The following ASAP1 variants were observed in gnomAD, a reference collection of about 807,000 sequenced individuals.
ASAP1 encodes arf-GAP with SH3 domain, ANK repeat and PH domain-containing protein 1.
In ASAP1, 43 loss-of-function variants were observed where a neutral mutation model predicts 145.2. The ratio of observed to expected loss-of-function variants is 0.30; its 90% CI spans 0.23 to 0.38. ASAP1 has a LOEUF of 0.38. Ranked by LOEUF, ASAP1 falls within the 10% of genes least tolerant of loss-of-function variation. The probability of loss-of-function intolerance (pLI) is 1.00; values close to 1 mark genes in which losing one functional copy is unlikely to be tolerated. For synonymous variants in ASAP1, 546 were observed against 515.5 expected, an observed-to-expected ratio of 1.06 and a Z score of -0.80; for missense variants, 1,018 against 1,355.3, an observed-to-expected ratio of 0.75 and a Z score of 3.91.
intron 4 of ASAP1, among the ~76,000 whole-genome samples, chr8:130,226,731 C>A (rs2136556264): frequency 6.6e-6 from 1 of 152,326 alleles, no homozygotes; most frequent in Admixed American, 6.5e-5. Context: ...TTCCACAGGG[C>A]TATTACTCAG....
In ASAP1 at chr8:130,103,270, A is replaced by T. The variant is rs572793551; in HGVS notation, c.2401+8824T>A. On this transcript the variant is annotated intron_variant, in intron 24 of 29. Transcript: ENST00000518721. ...GGTATCAGCCTCCTTTTTCATTTCT[A>T]ATCTTATTTATTTGGGTCTTCTCCC... Among the ~76,000 whole-genome samples, 176 of 151,474 alleles carry T rather than the reference A, an allele frequency of 1.2e-3. 1 individual carries two copies. Among genetic ancestry groups the T allele is most frequent in the Admixed American group, 2.2e-3 (33 of 15,228 alleles).
intron 2 of ASAP1, among the ~76,000 whole-genome samples, chr8:130,384,081 A>C (rs1298068960): frequency 1.3e-5 from 2 of 152,186 alleles, no homozygotes; most frequent in Non-Finnish European, 2.9e-5. Context: ...GTAGGATTAA[A>C]TGTGCTACTG....
At chr8:130,264,439 C>T (rs1461420484) in intron 3 of ASAP1, among the ~76,000 whole-genome samples, 3 of 152,164 alleles carry the variant, frequency 2.0e-5, no homozygotes, top group Non-Finnish European at 4.4e-5. Flanking sequence ...ACTTGGCTAG[C>T]AGGACTTATC....
chr8:130,245,376 T>A (rs1423350047), intron 3 of ASAP1, among the ~76,000 whole-genome samples: 1 of 151,920 alleles, frequency 6.6e-6, no homozygotes, highest in Non-Finnish European at 1.5e-5. Flanking sequence ...GCTTAATGGC[T>A]GCATGGTTCT....
chr8:130,137,599 A>G (rs2097598037), intron 13 of ASAP1, among the ~76,000 whole-genome samples: 1 of 152,230 alleles, frequency 6.6e-6, no homozygotes, highest in Non-Finnish European at 1.5e-5. Context: ...TGGATTCAAC[A>G]AATTTTGGTT....
chr8:130,381,092 T>A (rs1405680738), intron 2 of ASAP1, among the ~76,000 whole-genome samples: 1 of 152,150 alleles, frequency 6.6e-6, no homozygotes, highest in Non-Finnish European at 1.5e-5. Context: ...TGCCATGTCG[T>A]CCAGGCTGGT....
At chr8:130,328,164 A>G (rs1034102484) in intron 3 of ASAP1, among the ~76,000 whole-genome samples, 1 of 152,138 alleles carries the variant, frequency 6.6e-6, no homozygotes, top group Non-Finnish European at 1.5e-5. Context: ...CATCATAACA[A>G]TTCTGTGAAA....
At chr8:130,062,866 C>T (rs762599978) in intron 27 of ASAP1, among the ~76,000 whole-genome samples, 43 of 151,992 alleles carry the variant, frequency 2.8e-4, no homozygotes, top group Non-Finnish European at 5.0e-4. Context: ...CCTAGCTACT[C>T]GGGAGACTGA....
chr8:130,212,637 A>AAT (rs1816657082), intron 5 of ASAP1, among the ~76,000 whole-genome samples: 1 of 152,234 alleles, frequency 6.6e-6, no homozygotes, highest in African/African-American at 2.4e-5. Context: ...TCTTCAATGA[A>AAT]ATAATCTACA....
At chr8:130,367,584 CCTCGGCCTCA>C (rs1187815302) in intron 2 of ASAP1, among the ~76,000 whole-genome samples, 1 of 152,176 alleles carries the variant, frequency 6.6e-6, no homozygotes, top group Admixed American at 6.5e-5. Context: ...ATTTCACCTC[CCTCGGCCTCA>C]TTTTCCTTGT....
intron 5 of ASAP1, among the ~76,000 whole-genome samples, chr8:130,204,699 G>T (rs534162169): frequency 2.6e-5 from 4 of 152,322 alleles, no homozygotes; most frequent in African/African-American, 9.6e-5. Flanking sequence ...CTGTAGAGAA[G>T]GGGGAGCTTC....
chr8:130,189,710 T>C (rs1815003431), intron 5 of ASAP1, among the ~76,000 whole-genome samples: 3 of 152,202 alleles, frequency 2.0e-5, no homozygotes, highest in Admixed American at 6.5e-5. Context: ...GTTCTCTTTT[T>C]AGTTTTCTGA....
chr8:130,431,657 A>G (rs1194919742), intron 1 of ASAP1, among the ~76,000 whole-genome samples: 6 of 151,994 alleles, frequency 3.9e-5, no homozygotes, highest in Non-Finnish European at 8.8e-5. Flanking sequence ...TGCCCATTAC[A>G]TGTTATGTTC....
intron 27 of ASAP1, among the ~76,000 whole-genome samples, chr8:130,069,055 C>T (rs2097436231): frequency 6.6e-6 from 1 of 152,056 alleles, no homozygotes; most frequent in Admixed American, 6.5e-5. Context: ...CAAAGGACTC[C>T]TCCCAGGAAG....
At position 130,403,070 on chromosome 8, in the gene ASAP1, C is replaced by T. The variant is rs1828869071; in HGVS notation, c.-27-1100G>A. On this transcript the variant is annotated intron_variant, in intron 1 of 29. Transcript: ENST00000518721. ...CATCCAAACCCTCAACCTTCCTGCC[C>T]GTGCATTATTATTTTGAGGAAATTT... Among the ~76,000 whole-genome samples, 3 of 152,178 alleles carry T rather than the reference C, an allele frequency of 2.0e-5. No homozygotes were observed. The South Asian group carries it at 6.2e-4, about 32-fold the overall frequency.
At chr8:130,394,180 TGAGCTGGGCGGAACA>T (rs1432272571) in intron 2 of ASAP1, among the ~76,000 whole-genome samples, 4 of 152,306 alleles carry the variant, frequency 2.6e-5, no homozygotes, top group African/African-American at 9.6e-5. Flanking sequence ...TGACCACCGG[TGAGCTGGGCGGAACA>T]GAGCCATATT....
chr8:130,074,346 A>T (rs1482325404), intron 27 of ASAP1, among the ~76,000 whole-genome samples: 3 of 151,892 alleles, frequency 2.0e-5, no homozygotes, highest in Non-Finnish European at 4.4e-5. Context: ...ATGGGTGATA[A>T]GTATGTGGGT....
chr8:130,236,866 A>T, intron 4 of ASAP1, 56 bp downstream of exon 4: 1 of 1,267,324 alleles, frequency 7.9e-7, no homozygotes, highest in Middle Eastern at 2.8e-4. Context: ...ATAACTAACA[A>T]AACTCTGTAG....
At chr8:130,418,140 C>G (rs1452325749) in intron 1 of ASAP1, among the ~76,000 whole-genome samples, 2 of 152,240 alleles carry the variant, frequency 1.3e-5, no homozygotes, top group Non-Finnish European at 2.9e-5. Context: ...AATAAGGTAG[C>G]AATCAACTTC....
Sources: allele counts gnomAD v4.1 joint callset (sites outside exome capture counted in the v4.1 genomes callset), GRCh38; gene constraint gnomAD v4.1.1; transcripts MANE v1.5; gene names NCBI Gene and HGNC (gene_info 2026-07-23, HGNC 2026-07-21).